The following RBMS1 variants were observed in gnomAD, a reference collection of about 807,000 sequenced individuals.
The protein encoded by RBMS1 is RNA-binding motif, single-stranded-interacting protein 1.
In RBMS1, 17 loss-of-function variants were observed where a neutral mutation model predicts 62.3. That is an observed-to-expected ratio of 0.27 (90% confidence interval 0.19 to 0.41). The LOEUF is 0.41. RBMS1 is among the 10% of genes least tolerant of loss of function. The pLI, the probability that RBMS1 is intolerant of heterozygous loss-of-function variation, is 1.00. For synonymous variants in RBMS1, 172 were observed against 170.0 expected (o/e 1.01, Z -0.09); for missense variants, 334 against 504.5 (o/e 0.66, Z 3.24).
Position 160,429,818 on chromosome 2 carries a change from A to C in RBMS1, c.76-62427T>G, listed in dbSNP as rs548261457. On this transcript the variant is annotated intron_variant, in intron 1 of 13. Transcript: ENST00000348849. ...CCTCCCACTCTGCATGTGCTTTCCC[A>C]ATGTGATTCTCTCCTCCAAAGTCCA... 9.2e-5 allele frequency among the ~76,000 whole-genome samples: 14 copies of C among 152,296 alleles called. No individual in the cohort carries two copies. The East Asian group carries it at 1.5e-3, about 17-fold the overall frequency.
rs116306976 is a variant in RBMS1, at chr2:160,355,814, A to G, written c.251+11402T>C. ...TTTGTAATCTCAGTAGTAACTTTCT[A>G]TCTCTCACATTCTGATCTACATTAT... On this transcript the variant is annotated intron_variant, in intron 2 of 13. Transcript: ENST00000348849. Among the ~76,000 whole-genome samples the G allele has an allele frequency of 4.9e-3, 746 of 152,126 alleles. 9 individuals carry two copies. Among genetic ancestry groups the G allele is most frequent in the African/African-American group, 0.017 (717 of 41,516 alleles).
At chr2:160,380,603 C>G (rs1268106909) in intron 1 of RBMS1, among the ~76,000 whole-genome samples, 1 of 152,222 alleles carries the variant, frequency 6.6e-6, no homozygotes, top group East Asian at 1.9e-4. Context: ...AAATTCAAGT[C>G]TTCGGATCTA....
chr2:160,417,893 G>T lies in RBMS1; in HGVS notation c.76-50502C>A, dbSNP rs74704786. Among the ~76,000 whole-genome samples the T allele has an allele frequency of 7.6e-3, 1,162 of 152,250 alleles. 5 individuals are homozygous for T. Among genetic ancestry groups the T allele is most frequent in the Non-Finnish European group, 0.012 (844 of 68,022 alleles). The stretch of plus-strand genomic sequence containing the variant: ...CTCATATGCTCAGTTTTTCCAAGGA[G>T]ATCTGACAGTGTGTCTTACAAGTAG... On this transcript the variant is annotated intron_variant, in intron 1 of 13. Coordinates refer to ENST00000348849, the MANE Select transcript of RBMS1 (RefSeq NM_016836.4).
intron 3 of RBMS1, among the ~76,000 whole-genome samples, chr2:160,313,810 G>A (rs1177405025): frequency 2.0e-5 from 3 of 152,096 alleles, no homozygotes; most frequent in Admixed American, 6.5e-5. Context: ...TTAAAATACA[G>A]CTCATCACAC....
At chr2:160,461,040 C>T (rs1684438897) in intron 1 of RBMS1, among the ~76,000 whole-genome samples, 1 of 152,210 alleles carries the variant, frequency 6.6e-6, no homozygotes, top group Non-Finnish European at 1.5e-5. Context: ...TGGAGGATCA[C>T]TTAAAGCCGG....
At chr2:160,476,492 C>A (rs190261892) in intron 1 of RBMS1, among the ~76,000 whole-genome samples, 121 of 151,556 alleles carry the variant, frequency 8.0e-4, no homozygotes, top group Admixed American at 1.8e-3. Context: ...TAAACACTTA[C>A]CAAGTACCTA....
rs572264500 is a variant in RBMS1 at position 160,390,579 on chromosome 2, C to T, written c.76-23188G>A. ...AGTGTGGTGGCACACGCCTGTGGCCCCAGCTACACAGAAGGCTGAGGTGGG... is the reference window on the plus strand; with the variant it reads ...AGTGTGGTGGCACACGCCTGTGGCCTCAGCTACACAGAAGGCTGAGGTGGG... On this transcript the variant is annotated intron_variant, in intron 1 of 13. Transcript: ENST00000348849. Among the ~76,000 whole-genome samples the T allele has an allele frequency of 1.7e-4, 25 of 151,462 alleles. No homozygotes were observed. The South Asian group carries it at 4.2e-3, about 25-fold the overall frequency.
chr2:160,393,910 A>G (rs1694999784), intron 1 of RBMS1, among the ~76,000 whole-genome samples: 2 of 152,214 alleles, frequency 1.3e-5, no homozygotes, highest in South Asian at 4.1e-4. Context: ...CACCTCTAAA[A>G]TAAGTACTGG....
In RBMS1 at chr2:160,463,168, C is replaced by T. The variant is rs1056721244; in HGVS notation, c.75+30121G>A. On this transcript the variant is annotated intron_variant, in intron 1 of 13. Transcript: ENST00000348849. ...CTGACAAAACCAGGTTTCATTTCTG[C>T]CAAAAGTAGTTTTCACATAAAAGAA... Among the ~76,000 whole-genome samples, 5 of 152,170 alleles carry T rather than the reference C, an allele frequency of 3.3e-5. No individual in the cohort carries two copies. In the East Asian group the frequency reaches 9.7e-4, roughly 29 times the overall value.
intron 1 of RBMS1, among the ~76,000 whole-genome samples, chr2:160,488,403 C>T (rs1685687240): frequency 1.3e-5 from 2 of 152,122 alleles, no homozygotes; most frequent in South Asian, 2.1e-4. Context: ...TAGTGAAACC[C>T]CGTCTCTACT....
At chr2:160,306,127 TCG>T (rs1689504349) in intron 4 of RBMS1, among the ~76,000 whole-genome samples, 1 of 73,796 alleles carries the variant, frequency 1.4e-5, no homozygotes, top group African/African-American at 4.1e-5. Flanking sequence ...ATTGTTTCTC[TCG>T]TGTGTGTGTG....
chr2:160,367,668 A>G (rs2106025255), intron 1 of RBMS1: 1 of 347,776 alleles, frequency 2.9e-6, no homozygotes, highest in South Asian at 6.5e-5. Flanking sequence ...TTTTTCAGGA[A>G]CACATCTGAG....
intron 1 of RBMS1, among the ~76,000 whole-genome samples, chr2:160,372,120 T>G (rs537965836): frequency 6.6e-6 from 1 of 152,192 alleles, no homozygotes; most frequent in South Asian, 2.1e-4. Context: ...ATTTCCTTCC[T>G]ATTACTAATA....
At chr2:160,444,406 A>G (rs946804731) in intron 1 of RBMS1, among the ~76,000 whole-genome samples, 1 of 152,242 alleles carries the variant, frequency 6.6e-6, no homozygotes, top group Non-Finnish European at 1.5e-5. Context: ...ATATTTATTA[A>G]TAATAACTAA....
intron 6 of RBMS1, among the ~76,000 whole-genome samples, chr2:160,296,086 C>T (rs899461748): frequency 1.3e-5 from 2 of 152,208 alleles, no homozygotes; most frequent in South Asian, 2.1e-4. Flanking sequence ...GTGCTCAATG[C>T]CGGAGGCTGA....
At chr2:160,277,027 G>T (rs1292302016) in intron 12 of RBMS1, among the ~76,000 whole-genome samples, 1 of 152,210 alleles carries the variant, frequency 6.6e-6, no homozygotes, top group Non-Finnish European at 1.5e-5. Context: ...ACAGGTCCAT[G>T]TCACCATGTC....
chr2:160,385,708 C>T (rs556410774), intron 1 of RBMS1, among the ~76,000 whole-genome samples: 1 of 152,304 alleles, frequency 6.6e-6, no homozygotes, highest in East Asian at 1.9e-4. Flanking sequence ...GTGTTCTGTT[C>T]GGGGTGCCTC....
chr2:160,370,817 C>A (rs561910870), intron 1 of RBMS1, among the ~76,000 whole-genome samples: 2 of 152,132 alleles, frequency 1.3e-5, no homozygotes, highest in South Asian at 4.2e-4. Context: ...ATACTTAATA[C>A]CATTGGCAGA....
chr2:160,284,665 T>C, intron 9 of RBMS1, 110 bp downstream of exon 9: 1 of 872,852 alleles, frequency 1.1e-6, no homozygotes, highest in Non-Finnish European at 1.9e-6. Flanking sequence ...AGCTGCATAA[T>C]ATTTGACTCA....
Sources: gnomAD v4.1 joint callset for allele counts (sites outside exome capture counted in the v4.1 genomes callset) on GRCh38, gnomAD v4.1.1 for gene constraint, MANE v1.5 for transcripts, NCBI Gene and HGNC (gene_info 2026-07-23, HGNC 2026-07-21) for gene names.